Variants in ERC1 observed in about 807,000 individuals in gnomAD.
ERC1 encodes the protein RAB6 interacting protein 2.
In ERC1, 56 loss-of-function variants were observed where a neutral mutation model predicts 132.0. The ratio of observed to expected loss-of-function variants is 0.42; its 90% confidence interval spans 0.34 to 0.53. The LOEUF (loss-of-function observed/expected upper bound fraction) is 0.53, where lower values mean the gene tolerates loss of function less well. Among genes scored for constraint, ERC1 ranks in the 20% least tolerant of loss-of-function variants. ERC1 has a pLI of 0.03. For missense variants in ERC1, 1,202 were observed against 1,349.9 expected (o/e 0.89, Z 1.72); for synonymous variants, 478 against 476.1 (o/e 1.00, Z -0.05).
chr12:1,289,810 G>T, intron 14 of ERC1, 42 bp from the exon 15 acceptor site: 1 of 1,573,928 alleles, frequency 6.4e-7, no homozygotes, highest in South Asian at 1.1e-5. Context: ...GACTCTGATT[G>T]ATCAAGACAC....
chr12:1,094,105 G>A (rs61667003), intron 3 of ERC1, among the ~76,000 whole-genome samples: 7 of 148,388 alleles, frequency 4.7e-5, no homozygotes, highest in Admixed American at 2.0e-4. Context: ...CGCAACCTCC[G>A]CGTCCCGGGT....
chr12:1,360,429 T>C (rs1473743057), intron 15 of ERC1, among the ~76,000 whole-genome samples: 1 of 152,222 alleles, frequency 6.6e-6, no homozygotes, highest in Non-Finnish European at 1.5e-5. Context: ...GGCTCAAATA[T>C]ATTTGTGATC....
chr12:1,146,706 G>A (rs542783262), intron 8 of ERC1, among the ~76,000 whole-genome samples: 1 of 151,226 alleles, frequency 6.6e-6, no homozygotes, highest in East Asian at 1.9e-4. Context: ...CATGTGCCAT[G>A]TTGGTGTGCT....
chr12:1,479,784 C>T (rs1189105722), intron 18 of ERC1, among the ~76,000 whole-genome samples: 2 of 152,106 alleles, frequency 1.3e-5, no homozygotes, highest in African/African-American at 4.8e-5. Context: ...GCGTGTGGAA[C>T]CCTGCTCGCC....
intron 15 of ERC1, among the ~76,000 whole-genome samples, chr12:1,291,985 A>G (rs748950271): frequency 6.6e-6 from 1 of 152,096 alleles, no homozygotes; most frequent in African/African-American, 2.4e-5. Context: ...TTTTTCCCTT[A>G]AGAAAGAAAG....
At chr12:1,123,126 GTTAC>G (rs550981543) in intron 7 of ERC1, among the ~76,000 whole-genome samples, 99 of 152,228 alleles carry the variant, frequency 6.5e-4, no homozygotes, top group African/African-American at 2.2e-3. Flanking sequence ...GTTACATTAA[GTTAC>G]TTAAGAAGAT....
intron 15 of ERC1, among the ~76,000 whole-genome samples, chr12:1,320,111 T>C (rs765353675): frequency 9.8e-5 from 15 of 152,324 alleles, no homozygotes; most frequent in Non-Finnish European, 2.1e-4. Context: ...CATCCTTTCT[T>C]GGTTGAAGAT....
intron 7 of ERC1, among the ~76,000 whole-genome samples, chr12:1,134,376 T>C (rs1223042040): frequency 1.3e-5 from 2 of 151,866 alleles, no homozygotes; most frequent in African/African-American, 4.8e-5. Context: ...ATACAGTGTC[T>C]TGCTTTGCTA....
At chr12:1,423,868 A>T (rs2092519356) in intron 17 of ERC1, among the ~76,000 whole-genome samples, 1 of 152,212 alleles carries the variant, frequency 6.6e-6, no homozygotes. Flanking sequence ...CTTGAAATCT[A>T]CTTTATCTGT....
chr12:1,454,641 T>G (rs2093492491), intron 18 of ERC1, among the ~76,000 whole-genome samples: 5 of 152,234 alleles, frequency 3.3e-5, no homozygotes. Context: ...TGTTTTTTCC[T>G]GCCTCTAATA....
rs1274933210 is a variant in ERC1, at chr12:1,273,689, C to T, written c.2619+10524C>T. Among the ~76,000 whole-genome samples the T allele has an allele frequency of 2.6e-5, 4 of 152,152 alleles. No homozygotes were observed. The East Asian group carries it at 7.7e-4, about 29-fold the overall frequency. The stretch of plus-strand genomic sequence containing the variant: ...AATGGCCATATCTGCCTAGTGGCTA[C>T]TATATTGGACAGTTCAACTCTATAG... On this transcript the variant is annotated intron_variant, in intron 14 of 18. Coordinates refer to ENST00000360905, the MANE Select transcript of ERC1 (RefSeq NM_178040.4).
At chr12:1,004,667 A>G (rs1963188745) in intron 1 of ERC1, among the ~76,000 whole-genome samples, 1 of 151,932 alleles carries the variant, frequency 6.6e-6, no homozygotes, top group African/African-American at 2.4e-5. Context: ...GGCCCCCCAA[A>G]GTGCTGGGAT....
At position 1,037,684 on chromosome 12, in the gene ERC1, A is replaced by T. The variant is rs1156579500; in HGVS notation, c.669+9112A>T. On this transcript the variant is annotated intron_variant, in intron 2 of 18. Coordinates refer to ENST00000360905, the MANE Select transcript of ERC1 (RefSeq NM_178040.4). ...TTAGTATTGTTTTTGGAGAACAAAC[A>T]CTGGAAAAATGAGCACAAATATTAA... Among the ~76,000 whole-genome samples the T allele has an allele frequency of 3.3e-5, 5 of 152,302 alleles. No homozygotes were observed. In the East Asian group the frequency reaches 7.7e-4, roughly 23 times the overall value.
intron 15 of ERC1, among the ~76,000 whole-genome samples, chr12:1,371,383 G>A (rs1460406405): frequency 6.6e-6 from 1 of 152,180 alleles, no homozygotes; most frequent in African/African-American, 2.4e-5. Flanking sequence ...AGTCACATTC[G>A]CCTGAATGGG....
At chr12:1,267,874 C>A (rs2077575297) in intron 14 of ERC1, among the ~76,000 whole-genome samples, 1 of 152,074 alleles carries the variant, frequency 6.6e-6, no homozygotes, top group Non-Finnish European at 1.5e-5. Flanking sequence ...TTTCAAATTG[C>A]CATTTTGACA....
At chr12:993,615 G>C (rs76757210) in intron 1 of ERC1, among the ~76,000 whole-genome samples, 4,330 of 152,210 alleles carry the variant, frequency 0.028, 85 homozygotes, top group South Asian at 0.091. Context: ...TAAAAGTGAA[G>C]GTTCTTGGCC....
At chr12:1,205,095 T>G (rs2154287294) in intron 12 of ERC1, among the ~76,000 whole-genome samples, 1 of 152,328 alleles carries the variant, frequency 6.6e-6, no homozygotes, top group South Asian at 2.1e-4. Context: ...TCAGTTGATC[T>G]TAGCAACTAT....
At chr12:1,472,654 G>GA (rs61201010) in intron 18 of ERC1, among the ~76,000 whole-genome samples, 2,311 of 112,860 alleles carry the variant, frequency 0.02, 76 homozygotes, top group African/African-American at 0.057. Flanking sequence ...TGTCTCAAAA[G>GA]AAAAAAAAAA....
intron 8 of ERC1, among the ~76,000 whole-genome samples, chr12:1,142,101 C>T (rs1182166126): frequency 6.6e-6 from 1 of 151,958 alleles, no homozygotes; most frequent in Admixed American, 6.6e-5. Context: ...GAAACTGTAC[C>T]AAATTGGTTT....
Sources: gnomAD v4.1 joint callset for allele counts (sites outside exome capture counted in the v4.1 genomes callset) on GRCh38, gnomAD v4.1.1 for gene constraint, MANE v1.5 for transcripts, NCBI Gene and HGNC (gene_info 2026-07-23, HGNC 2026-07-21) for gene names.